ZNF517: variants seen among roughly 807,000 people sequenced by gnomAD.
ZNF517 encodes the protein zinc finger protein 517.
A neutral mutation model predicts 12.1 loss-of-function variants in ZNF517; 12 were observed. That is an observed-to-expected ratio of 0.99 (90% CI 0.63 to 1.61). The LOEUF (loss-of-function observed/expected upper bound fraction) is 1.61. ZNF517 is among the 40% of genes most tolerant of loss of function. The pLI, the probability that ZNF517 is intolerant of heterozygous loss-of-function variation, is 0.00. For synonymous variants in ZNF517, 388 were observed against 310.2 expected (o/e 1.25, Z -2.63); for missense variants, 781 against 693.2 (o/e 1.13, Z -1.42).
rs1370301143 is a variant in ZNF517, at chr8:144,808,834, C to T, written c.*439C>T. ...GCGGTCAATTCCAGGTGCTGTAAAGCCGACTAACAGGGTACAGGGAGCCTT... is the reference window on the plus strand; with the variant it reads ...GCGGTCAATTCCAGGTGCTGTAAAGTCGACTAACAGGGTACAGGGAGCCTT... On this transcript the variant is annotated 3_prime_UTR_variant, in exon 5 of 5. Transcript: ENST00000359971. 1 of 156,664 alleles carries T rather than the reference C, an allele frequency of 6.4e-6. No homozygotes were observed. The highest frequency in any genetic ancestry group is 2.4e-5 in the African/African-American group (1 of 41,634). 9.7% of individuals were successfully genotyped at this position (156,664 alleles called of 1,614,324 possible).
At position 144,807,832 on chromosome 8, in the gene ZNF517, G is replaced by T. The variant is rs763372111; in HGVS notation, c.916G>T (p.Glu306Ter). The stretch of plus-strand genomic sequence containing the variant: ...GTTCTGCCGCAGGTTCACCCTCAAC[G>T]AGCACGGCCGCATCCACAGCGGGGA... ...KAFCRRFTLN[E>*]HGRIHSGERP... Residue 306 changes from glutamate to a stop codon, truncating the protein, a stop_gained, in exon 5 of 5, where the codon GAG (glutamate) becomes TAG (stop). Coordinates refer to ENST00000359971, the MANE Select transcript of ZNF517 (RefSeq NM_213605.3). LOFTEE classifies it low-confidence loss of function (END_TRUNC). 34 of 1,604,426 alleles carry T rather than the reference G, an allele frequency of 2.1e-5. No individual in the cohort carries two copies. The highest frequency in any genetic ancestry group is 2.8e-5 in the Non-Finnish European group (33 of 1,175,782).
At chr8:144,810,449 G>A, downstream of ZNF517, 1 of 420,858 alleles carries the variant, frequency 2.4e-6, no homozygotes, top group Non-Finnish European at 4.3e-6. Flanking sequence ...AGATGGGGAG[G>A]GCTGGATCCA....
intron 3 of ZNF517, 169 bp from the exon 4 acceptor site, chr8:144,803,956 T>C: frequency 2.7e-6 from 3 of 1,092,576 alleles, no homozygotes; most frequent in Middle Eastern, 2.8e-4. Flanking sequence ...GCTTCTCTCC[T>C]GGGGCAGGCC....
intron 4 of ZNF517, among the ~76,000 whole-genome samples, chr8:144,804,600 A>C (rs1047635440): frequency 6.6e-6 from 1 of 152,152 alleles, no homozygotes; most frequent in African/African-American, 2.4e-5. Flanking sequence ...AAGAGATAGA[A>C]GAAAAGACAG....
intron 3 of ZNF517, 150 bp from the exon 4 acceptor site, chr8:144,803,974 TC>T: frequency 1.9e-6 from 2 of 1,055,540 alleles, no homozygotes; most frequent in Non-Finnish European, 2.7e-6. Context: ...GCCCCCCATC[TC>T]CCCCTGGCCA....
At chr8:144,803,896 C>T (rs1207896047) in intron 3 of ZNF517, 129 bp downstream of exon 3, 1 of 1,378,842 alleles carries the variant, frequency 7.3e-7, no homozygotes, top group Non-Finnish European at 9.8e-7. Context: ...CCCAAGGAGC[C>T]CCTCTCTGCT....
Position 144,804,083 on chromosome 8 carries a change from C to A in ZNF517, c.161-42C>A, listed in dbSNP as rs768727456. The A allele has an allele frequency of 7.0e-6, 11 of 1,582,704 alleles. No individual in the cohort carries two copies. In the South Asian group the frequency reaches 1.2e-4, roughly 18 times the overall value. On this transcript the variant is annotated intron_variant, in intron 3 of 4. Coordinates refer to ENST00000359971, the MANE Select transcript of ZNF517 (RefSeq NM_213605.3). ...GCCAGGCACCTGGGCGTCCCTTCTC[C>A]CTCCTGTACTGATACGTGCTGCTTT...
chr8:144,805,222 G>A (rs950895691), intron 4 of ZNF517, among the ~76,000 whole-genome samples: 1 of 152,254 alleles, frequency 6.6e-6, no homozygotes, highest in East Asian at 1.9e-4. Flanking sequence ...CTGTCCGGGC[G>A]TGACAGAGGC....
At chr8:144,803,612 T>A (rs1827074568) in intron 2 of ZNF517, 29 bp from the exon 3 acceptor site, 4 of 1,612,892 alleles carry the variant, frequency 2.5e-6, no homozygotes, top group Non-Finnish European at 3.4e-6. Context: ...AGCCCTTGAC[T>A]GCCTGGATAG....
At chr8:144,801,377 A>G (rs1412801949) in intron 1 of ZNF517, among the ~76,000 whole-genome samples, 1 of 152,176 alleles carries the variant, frequency 6.6e-6, no homozygotes, top group Non-Finnish European at 1.5e-5. Context: ...TCTGTCGCCC[A>G]GGCTGGAGTT....
intron 3 of ZNF517, 169 bp downstream of exon 3, chr8:144,803,936 C>A: frequency 8.7e-7 from 1 of 1,150,798 alleles, no homozygotes; most frequent in Non-Finnish European, 1.2e-6. Context: ...CCAGCGTCAG[C>A]CTGCCTGAGG....
chr8:144,806,208 C>G (rs1307828624), intron 4 of ZNF517, among the ~76,000 whole-genome samples: 3 of 152,258 alleles, frequency 2.0e-5, no homozygotes, highest in South Asian at 4.1e-4. Context: ...GGGGAGGAGG[C>G]CCCCAGTCCC....
chr8:144,805,692 T>C (rs1827192418), intron 4 of ZNF517, among the ~76,000 whole-genome samples: 1 of 149,906 alleles, frequency 6.7e-6, no homozygotes, highest in South Asian at 2.1e-4. Context: ...CTCGGCTCAC[T>C]GCAAGCTCCA....
rs201095849 is a variant in ZNF517, at chr8:144,803,706, C to G, written c.99C>G (p.Pro33=). Residue 33 remains proline (P), a synonymous_variant, in exon 3 of 5, where the codon CCC becomes CCG. Transcript: ENST00000359971. ...FTRIEWSCLA[P]DQQALYRDVM... is the part of the protein sequence containing the mutation. The stretch of plus-strand genomic sequence containing the variant: ...GGATAGAGTGGAGTTGCCTGGCCCC[C>G]GACCAGCAGGCACTCTACAGGGACG... 1 of 1,614,054 alleles carries G rather than the reference C, an allele frequency of 6.2e-7. No individual in the cohort carries two copies. Among genetic ancestry groups the G allele is most frequent in the Non-Finnish European group, 8.5e-7 (1 of 1,180,018 alleles).
downstream of ZNF517, among the ~76,000 whole-genome samples, chr8:144,812,671 T>G (rs78551557): frequency 2.8e-3 from 431 of 152,342 alleles, 3 homozygotes; most frequent in East Asian, 0.014. Context: ...TCCTGTTACA[T>G]GGATCTCTCT....
rs1055824323 is a variant in ZNF517 at position 144,805,782 on chromosome 8, A to AT, written c.275-1398dup. On this transcript the variant is annotated intron_variant, in intron 4 of 4. Coordinates refer to ENST00000359971, the MANE Select transcript of ZNF517 (RefSeq NM_213605.3). The stretch of plus-strand genomic sequence containing the variant: ...AGACGCCCACCACCACGCCCAGCCA[A>AT]TTTTTTTTTTTGTATTTTTAATAGA... 3.2e-3 allele frequency among the ~76,000 whole-genome samples: 434 copies of AT among 135,254 alleles called. 2 individuals are homozygous for AT. The highest frequency in any genetic ancestry group is 4.7e-3 in the Non-Finnish European group (296 of 63,098). 88.7% of individuals were successfully genotyped at this position (135,254 alleles called of 152,430 possible).
downstream of ZNF517, among the ~76,000 whole-genome samples, chr8:144,812,406 A>G (rs1186284022): frequency 7.1e-6 from 1 of 140,774 alleles, no homozygotes; most frequent in Non-Finnish European, 1.5e-5. Flanking sequence ...AGACTGCAGA[A>G]TGGAAGCAAA....
rs1331170091 is a variant in ZNF517 at position 144,807,991 on chromosome 8, C to T, written c.1075C>T (p.Gln359Ter). The change falls in exon 5 of 5, where the codon CAG becomes TAG. Residue 359 changes from glutamine (Q) to a stop codon, truncating the protein, a stop_gained. Transcript: ENST00000359971. LOFTEE classifies it low-confidence loss of function (END_TRUNC). ...GCAGGGCGCCCTGCTCGGAGCTGCG[C>T]AGAGGCCCCAGGCGGGGGACCCGCC... is the stretch of plus-strand genomic sequence containing the variant. ...VGQGALLGAA[Q>*]RPQAGDPPHE... is the part of the protein sequence containing the mutation. The T allele has an allele frequency of 6.5e-7, 1 of 1,547,392 alleles. No homozygotes were observed. The highest frequency in any genetic ancestry group is 1.9e-5 in the Admixed American group (1 of 51,606).
At position 144,807,972 on chromosome 8, in the gene ZNF517, C is replaced by T. The variant is rs1320207314; in HGVS notation, c.1056C>T (p.Gly352=). ...EGAQDGGVGQ[G]ALLGAAQRPQ... ...CCCAGGACGGCGGCGTGGGGCAGGG[C>T]GCCCTGCTCGGAGCTGCGCAGAGGC... Residue 352 remains glycine (G), a synonymous_variant, in exon 5 of 5, where the codon GGC becomes GGT. Transcript: ENST00000359971. 1 of 1,510,482 alleles carries T rather than the reference C, an allele frequency of 6.6e-7. No homozygotes were observed. The highest frequency in any genetic ancestry group is 8.8e-7 in the Non-Finnish European group (1 of 1,130,418). 93.6% of individuals were successfully genotyped at this position (1,510,482 alleles called of 1,614,324 possible).
Sources: gnomAD v4.1 joint callset for allele counts (sites outside exome capture counted in the v4.1 genomes callset) on GRCh38, gnomAD v4.1.1 for gene constraint, MANE v1.5 for transcripts, NCBI Gene and HGNC (gene_info 2026-07-23, HGNC 2026-07-21) for gene names.